Variants in MACROD2 observed in about 807,000 individuals in gnomAD.
MACROD2 encodes the protein mono-ADP ribosylhydrolase 2.
A neutral mutation model predicts 70.4 loss-of-function variants in MACROD2; 36 were observed. The observed-to-expected ratio is 0.51, with a 90% CI of 0.39 to 0.68. The LOEUF (loss-of-function observed/expected upper bound fraction) is 0.68. MACROD2 is among the 30% of genes least tolerant of loss of function. The pLI is 0.00. For synonymous variants in MACROD2, 172 were observed against 178.8 expected (o/e 0.96, Z 0.30); for missense variants, 496 against 538.4 (o/e 0.92, Z 0.78).
intron 6 of MACROD2, among the ~76,000 whole-genome samples, chr20:15,426,890 G>T (rs755441638): frequency 1.3e-5 from 2 of 152,118 alleles, no homozygotes; most frequent in East Asian, 3.9e-4. Context: ...GAAATCTCAT[G>T]CTACTCACTT....
chr20:14,449,488 C>A (rs1431275592), intron 3 of MACROD2, among the ~76,000 whole-genome samples: 1 of 151,952 alleles, frequency 6.6e-6, no homozygotes, highest in East Asian at 1.9e-4. Flanking sequence ...ATGATTAAAC[C>A]CAAGGTATGT....
intron 5 of MACROD2, among the ~76,000 whole-genome samples, chr20:15,210,552 G>GTTTTTTTTTTTTTTTTTTTTTTTT (rs11333280): frequency 2.5e-5 from 3 of 121,626 alleles, no homozygotes; most frequent in South Asian, 2.8e-4. Context: ...CTTTTCTTCT[G>GTTTTTTTTTTTTTTTTTTTTTTTT]TTTTTTTTTT....
chr20:14,984,350 T>G (rs2074829776), intron 5 of MACROD2, among the ~76,000 whole-genome samples: 1 of 152,156 alleles, frequency 6.6e-6, no homozygotes, highest in South Asian at 2.1e-4. Context: ...GGTTTTTGTT[T>G]GTTTGTTGGT....
At chr20:15,988,367 G>A (rs1223206440) in intron 15 of MACROD2, among the ~76,000 whole-genome samples, 1 of 152,134 alleles carries the variant, frequency 6.6e-6, no homozygotes. Flanking sequence ...TTAAAAATGT[G>A]AAATAGACAA....
intron 6 of MACROD2, among the ~76,000 whole-genome samples, chr20:15,417,838 T>C (rs2046176650): frequency 6.6e-6 from 1 of 152,096 alleles, no homozygotes; most frequent in Admixed American, 6.6e-5. Flanking sequence ...TGGGAGAAAG[T>C]CACACTAATC....
intron 5 of MACROD2, among the ~76,000 whole-genome samples, chr20:14,950,318 G>A (rs1459158603): frequency 6.6e-6 from 1 of 152,084 alleles, no homozygotes; most frequent in Non-Finnish European, 1.5e-5. Flanking sequence ...TACATCTCAG[G>A]TTCAAGAGAG....
intron 5 of MACROD2, among the ~76,000 whole-genome samples, chr20:14,820,734 T>A (rs1478019148): frequency 1.3e-5 from 2 of 152,070 alleles, no homozygotes; most frequent in African/African-American, 2.4e-5. Context: ...CCCCCCTTTT[T>A]AAGGATTTAG....
chr20:15,920,514 A>T (rs1382597380), intron 10 of MACROD2, among the ~76,000 whole-genome samples: 1 of 152,016 alleles, frequency 6.6e-6, no homozygotes, highest in Admixed American at 6.6e-5. Flanking sequence ...TACTGGGCTA[A>T]TTTTTTTTCT....
At chr20:15,997,189 A>C (rs1250953416) in intron 15 of MACROD2, among the ~76,000 whole-genome samples, 1 of 152,002 alleles carries the variant, frequency 6.6e-6, no homozygotes, top group African/African-American at 2.4e-5. Flanking sequence ...TATTTGGGAT[A>C]TTTTGTGTTT....
chr20:15,631,651 G>A (rs1397259901), intron 8 of MACROD2, among the ~76,000 whole-genome samples: 1 of 152,096 alleles, frequency 6.6e-6, no homozygotes, highest in Non-Finnish European at 1.5e-5. Flanking sequence ...ACAGGGCTTG[G>A]GCAGGGGAAT....
rs563924414 is a variant in MACROD2, at chr20:14,774,225, A to T, written c.418+89266A>T. On this transcript the variant is annotated intron_variant, in intron 5 of 17. Coordinates refer to ENST00000684519, the MANE Select transcript of MACROD2 (RefSeq NM_001351661.2). ...TATGTATATGCTTTTTAGGAACATA[A>T]ACTTAGAACATTAAAACTCTTAGGT... Among the ~76,000 whole-genome samples the T allele has an allele frequency of 2.5e-3, 386 of 152,136 alleles. 2 individuals are homozygous for T. The highest frequency in any genetic ancestry group is 8.8e-3 in the African/African-American group (365 of 41,484).
chr20:14,058,247 C>T (rs1189056404), intron 2 of MACROD2, among the ~76,000 whole-genome samples: 1 of 151,966 alleles, frequency 6.6e-6, no homozygotes, highest in Non-Finnish European at 1.5e-5. Flanking sequence ...GCAAAAAATA[C>T]TGCTTTAGTG....
intron 5 of MACROD2, among the ~76,000 whole-genome samples, chr20:15,113,232 C>A (rs774310398): frequency 1.3e-5 from 2 of 152,140 alleles, no homozygotes; most frequent in Admixed American, 1.3e-4. Context: ...TTTTACATTT[C>A]TGTGCTTTTT....
intron 5 of MACROD2, among the ~76,000 whole-genome samples, chr20:14,969,134 C>T (rs116319293): frequency 0.021 from 3,231 of 151,164 alleles, 124 homozygotes; most frequent in African/African-American, 0.073. Flanking sequence ...AAAATCAGGT[C>T]ACAAAATTAT....
At chr20:15,437,606 T>C (rs1160238589) in intron 7 of MACROD2, among the ~76,000 whole-genome samples, 3 of 152,164 alleles carry the variant, frequency 2.0e-5, no homozygotes, top group African/African-American at 4.8e-5. Flanking sequence ...CACCCAGGTA[T>C]TGAGCCCAGT....
At chr20:15,491,877 T>C (rs773398302) in intron 7 of MACROD2, among the ~76,000 whole-genome samples, 1 of 152,234 alleles carries the variant, frequency 6.6e-6, no homozygotes, top group African/African-American at 2.4e-5. Flanking sequence ...CAGTGCATCG[T>C]CAGCATCTGC....
intron 8 of MACROD2, among the ~76,000 whole-genome samples, chr20:15,690,209 A>G (rs891225522): frequency 6.6e-6 from 1 of 152,232 alleles, no homozygotes; most frequent in Non-Finnish European, 1.5e-5. Context: ...AGGCAGATGA[A>G]TGGTGCTCTA....
intron 2 of MACROD2, among the ~76,000 whole-genome samples, chr20:14,078,225 T>C (rs990453239): frequency 1.3e-5 from 2 of 151,648 alleles, no homozygotes; most frequent in Non-Finnish European, 1.5e-5. Context: ...TTAAGTAATC[T>C]GCCTAGGGAA....
intron 5 of MACROD2, among the ~76,000 whole-genome samples, chr20:15,195,656 T>C (rs998988652): frequency 1.3e-5 from 2 of 152,148 alleles, no homozygotes; most frequent in African/African-American, 4.8e-5. Flanking sequence ...GTTCAACCAT[T>C]GTGGAAGACA....
Sources: gnomAD v4.1 joint callset for allele counts (sites outside exome capture counted in the v4.1 genomes callset) on GRCh38, gnomAD v4.1.1 for gene constraint, MANE v1.5 for transcripts, NCBI Gene and HGNC (gene_info 2026-07-23, HGNC 2026-07-21) for gene names.